Variants in LRRC4C observed in about 807,000 individuals in gnomAD.
LRRC4C encodes the protein leucine rich repeat containing 4C.
A neutral mutation model predicts 33.6 loss-of-function variants in LRRC4C; 5 were observed. That is an observed-to-expected ratio of 0.15 (90% confidence interval 0.08 to 0.31). The LOEUF (loss-of-function observed/expected upper bound fraction) is 0.31, where lower values mean the gene tolerates loss of function less well. LRRC4C is among the 10% of genes least tolerant of loss of function. The pLI is 1.00. For synonymous variants in LRRC4C, 329 were observed against 302.0 expected (o/e 1.09, Z -0.93); for missense variants, 560 against 796.7 (o/e 0.70, Z 3.58).
intron 2 of LRRC4C, among the ~76,000 whole-genome samples, chr11:40,793,623 G>A (rs1037852644): frequency 6.6e-6 from 1 of 152,266 alleles, no homozygotes; most frequent in South Asian, 2.1e-4. Flanking sequence ...GAGAGGTCAA[G>A]TAAATCCCAG....
intron 1 of LRRC4C, among the ~76,000 whole-genome samples, chr11:41,311,621 T>G (rs781324794): frequency 2.8e-4 from 43 of 152,332 alleles, no homozygotes; most frequent in Non-Finnish European, 5.1e-4. Context: ...GAAATATATT[T>G]TGGCATTTAA....
chr11:40,373,948 T>C (rs975920602), intron 3 of LRRC4C, among the ~76,000 whole-genome samples: 7 of 152,220 alleles, frequency 4.6e-5, no homozygotes, highest in African/African-American at 1.4e-4. Flanking sequence ...ACCTCAGATA[T>C]TTCTTTATGA....
At chr11:40,997,316 G>A (rs1044528082) in intron 1 of LRRC4C, among the ~76,000 whole-genome samples, 1 of 152,040 alleles carries the variant, frequency 6.6e-6, no homozygotes, top group Non-Finnish European at 1.5e-5. Context: ...ACAGTAAAGG[G>A]ACATAACCAC....
intron 5 of LRRC4C, among the ~76,000 whole-genome samples, chr11:40,236,784 T>C (rs986592140): frequency 3.3e-5 from 5 of 152,128 alleles, no homozygotes; most frequent in African/African-American, 1.2e-4. Context: ...CACAGTAGAC[T>C]CTGCATACAC....
At chr11:40,970,309 G>T (rs1212183696) in intron 1 of LRRC4C, among the ~76,000 whole-genome samples, 2 of 152,070 alleles carry the variant, frequency 1.3e-5, no homozygotes, top group African/African-American at 2.4e-5. Context: ...CACAATCCTT[G>T]GTGCTGTCAT....
intron 3 of LRRC4C, among the ~76,000 whole-genome samples, chr11:40,585,349 G>A (rs1958673635): frequency 6.6e-6 from 1 of 152,054 alleles, no homozygotes. Flanking sequence ...GGAACACAAG[G>A]AAGACTAAAC....
At chr11:40,715,696 C>T (rs983070912) in intron 2 of LRRC4C, among the ~76,000 whole-genome samples, 1 of 152,146 alleles carries the variant, frequency 6.6e-6, no homozygotes, top group Non-Finnish European at 1.5e-5. Context: ...CAGAACAATA[C>T]ATATATTTCA....
At chr11:40,832,489 A>C (rs1329338007) in intron 2 of LRRC4C, among the ~76,000 whole-genome samples, 1 of 152,176 alleles carries the variant, frequency 6.6e-6, no homozygotes, top group Non-Finnish European at 1.5e-5. Context: ...TAGAAACACG[A>C]TACTTTATTA....
At chr11:40,521,510 C>T (rs762150160) in intron 3 of LRRC4C, among the ~76,000 whole-genome samples, 2 of 152,080 alleles carry the variant, frequency 1.3e-5, no homozygotes, top group African/African-American at 2.4e-5. Flanking sequence ...ATTCATATTA[C>T]GTGACAAACA....
chr11:40,335,192 A>G (rs577688172), intron 3 of LRRC4C, among the ~76,000 whole-genome samples: 1 of 152,180 alleles, frequency 6.6e-6, no homozygotes, highest in Non-Finnish European at 1.5e-5. Flanking sequence ...ATGACCCTGT[A>G]CACAAAAGTC....
intron 2 of LRRC4C, among the ~76,000 whole-genome samples, chr11:40,667,732 T>A (rs1943888903): frequency 6.6e-6 from 1 of 152,164 alleles, no homozygotes; most frequent in African/African-American, 2.4e-5. Flanking sequence ...GTCCTATAAC[T>A]GCAAGAAATT....
At chr11:40,865,293 G>A (rs138073174) in intron 2 of LRRC4C, among the ~76,000 whole-genome samples, 178 of 152,162 alleles carry the variant, frequency 1.2e-3, no homozygotes, top group African/African-American at 4.1e-3. Flanking sequence ...TGCTGTTGGT[G>A]GGTGCAGTGA....
intron 5 of LRRC4C, among the ~76,000 whole-genome samples, chr11:40,200,765 CAAAA>C (rs762650999): frequency 7.0e-5 from 5 of 70,958 alleles, no homozygotes; most frequent in African/African-American, 2.0e-4. Flanking sequence ...GACTCCATCT[CAAAA>C]AAAAAAAAAA....
At chr11:40,300,304 C>A (rs1243671955) in intron 4 of LRRC4C, among the ~76,000 whole-genome samples, 1 of 152,184 alleles carries the variant, frequency 6.6e-6, no homozygotes, top group Non-Finnish European at 1.5e-5. Flanking sequence ...GACACAGATC[C>A]AAACCATATC....
chr11:40,921,741 TTTTC>T (rs1376818630), intron 2 of LRRC4C, among the ~76,000 whole-genome samples: 9 of 152,230 alleles, frequency 5.9e-5, no homozygotes, highest in African/African-American at 1.7e-4. Flanking sequence ...AACATTTATC[TTTTC>T]TTTGTGTTGG....
intron 4 of LRRC4C, among the ~76,000 whole-genome samples, chr11:40,272,680 G>A (rs537996987): frequency 1.3e-5 from 2 of 152,208 alleles, no homozygotes; most frequent in South Asian, 4.1e-4. Flanking sequence ...ATGCAATAAA[G>A]TAGTTGCTAG....
chr11:40,884,497 C>T (rs186922291), intron 2 of LRRC4C, among the ~76,000 whole-genome samples: 1 of 152,102 alleles, frequency 6.6e-6, no homozygotes, highest in African/African-American at 2.4e-5. Flanking sequence ...ACACTGTCTT[C>T]CACAATGATT....
At chr11:40,787,585 T>A (rs1950463580) in intron 2 of LRRC4C, among the ~76,000 whole-genome samples, 1 of 152,226 alleles carries the variant, frequency 6.6e-6, no homozygotes, top group South Asian at 2.1e-4. Context: ...TGTTGTAAAC[T>A]TATTCTACAT....
At chr11:40,233,532 T>C (rs1053235813) in intron 5 of LRRC4C, among the ~76,000 whole-genome samples, 13 of 152,172 alleles carry the variant, frequency 8.5e-5, no homozygotes, top group Non-Finnish European at 1.5e-4. Flanking sequence ...AGCTGATATT[T>C]TGATGCAAAT....
Sources: allele counts gnomAD v4.1 joint callset (sites outside exome capture counted in the v4.1 genomes callset), GRCh38; gene constraint gnomAD v4.1.1; transcripts MANE v1.5; gene names NCBI Gene and HGNC (gene_info 2026-07-23, HGNC 2026-07-21).